The following CWC27 variants were observed in gnomAD, a reference collection of about 807,000 sequenced individuals.
CWC27 encodes the protein CWC27 spliceosome associated cyclophilin.
A neutral mutation model predicts 63.6 loss-of-function variants in CWC27; 47 were observed. That is an observed-to-expected ratio of 0.74 (90% CI 0.58 to 0.94). CWC27 has a LOEUF of 0.94. Ranked by LOEUF, CWC27 falls within the 40% of genes least tolerant of loss-of-function variation. CWC27 has a pLI of 0.00. For missense variants in CWC27, 495 were observed against 554.3 expected (o/e 0.89, Z 1.07); for synonymous variants, 175 against 179.8 (o/e 0.97, Z 0.22).
intron 7 of CWC27, among the ~76,000 whole-genome samples, chr5:64,793,133 C>G (rs754526934): frequency 1.6e-4 from 24 of 152,130 alleles, no homozygotes; most frequent in Admixed American, 1.5e-3. Context: ...TCAGCTCAGC[C>G]TTTTTGGGTA....
intron 13 of CWC27, among the ~76,000 whole-genome samples, chr5:64,978,625 G>A (rs1156367453): frequency 2.0e-5 from 3 of 147,288 alleles, no homozygotes; most frequent in African/African-American, 7.5e-5. Flanking sequence ...TTTTTTTGGC[G>A]GTGGGGGGGA....
chr5:65,015,155 T>C (rs1750029107), intron 13 of CWC27, among the ~76,000 whole-genome samples: 1 of 152,200 alleles, frequency 6.6e-6, no homozygotes, highest in African/African-American at 2.4e-5. Context: ...TCATTTTTTA[T>C]ACCAGAGCCG....
chr5:64,969,178 T>A (rs1749074402), intron 11 of CWC27, among the ~76,000 whole-genome samples: 1 of 152,250 alleles, frequency 6.6e-6, no homozygotes, highest in African/African-American at 2.4e-5. Context: ...TTTTGAAAGT[T>A]GTAAGCTTAA....
At chr5:64,869,862 T>C (rs1186252797) in intron 10 of CWC27, among the ~76,000 whole-genome samples, 1 of 152,042 alleles carries the variant, frequency 6.6e-6, no homozygotes, top group Admixed American at 6.6e-5. Flanking sequence ...GGATTTTTTT[T>C]TCCCCTTAAA....
intron 10 of CWC27, among the ~76,000 whole-genome samples, chr5:64,829,581 C>T (rs1317025219): frequency 6.6e-6 from 1 of 150,396 alleles, no homozygotes; most frequent in Non-Finnish European, 1.5e-5. Flanking sequence ...TATATGCTGA[C>T]AATAACTTCA....
chr5:64,815,271 A>G (rs1744994545), intron 10 of CWC27, among the ~76,000 whole-genome samples: 1 of 152,130 alleles, frequency 6.6e-6, no homozygotes, highest in South Asian at 2.1e-4. Flanking sequence ...CTCTGGCTAC[A>G]TCCTGATGGG....
chr5:64,787,484 A>C (rs549367212), intron 6 of CWC27, among the ~76,000 whole-genome samples: 90 of 152,136 alleles, frequency 5.9e-4, no homozygotes, highest in African/African-American at 1.9e-3. Flanking sequence ...GAATATTTTT[A>C]ATGACTGCAT....
intron 7 of CWC27, among the ~76,000 whole-genome samples, chr5:64,790,117 A>G (rs1338762946): frequency 6.6e-6 from 1 of 152,034 alleles, no homozygotes; most frequent in African/African-American, 2.4e-5. Flanking sequence ...GTTGCTTTTT[A>G]TTGTATCCTT....
At chr5:64,971,935 A>G (rs1038826407) in intron 12 of CWC27, 123 bp downstream of exon 12, 21 of 522,056 alleles carry the variant, frequency 4.0e-5, no homozygotes, top group Admixed American at 1.5e-4. Context: ...AATAAAAAAG[A>G]ATATATTTAT....
chr5:64,789,823 G>A (rs1744012611), intron 7 of CWC27, among the ~76,000 whole-genome samples: 1 of 152,104 alleles, frequency 6.6e-6, no homozygotes, highest in Non-Finnish European at 1.5e-5. Context: ...GAGAACTAAA[G>A]GATTAGGTTT....
chr5:64,805,305 T>C (rs1441083641), intron 10 of CWC27, among the ~76,000 whole-genome samples: 3 of 151,472 alleles, frequency 2.0e-5, no homozygotes, highest in African/African-American at 7.3e-5. Context: ...ATGTCTTTTT[T>C]CCAGCAATAT....
At chr5:64,883,257 G>A (rs774231346) in intron 10 of CWC27, among the ~76,000 whole-genome samples, 4 of 152,088 alleles carry the variant, frequency 2.6e-5, no homozygotes, top group Admixed American at 6.5e-5. Flanking sequence ...GGGATTATGG[G>A]AACTACAATT....
chr5:64,793,915 A>G (rs1268868871), intron 7 of CWC27, among the ~76,000 whole-genome samples: 1 of 152,128 alleles, frequency 6.6e-6, no homozygotes, highest in Non-Finnish European at 1.5e-5. Context: ...ATGGATTATC[A>G]GTGTGGGATT....
At chr5:64,860,631 T>C (rs1746375274) in intron 10 of CWC27, among the ~76,000 whole-genome samples, 1 of 152,242 alleles carries the variant, frequency 6.6e-6, no homozygotes, top group African/African-American at 2.4e-5. Flanking sequence ...TGATATAACA[T>C]CAGTCTTTCT....
intron 10 of CWC27, among the ~76,000 whole-genome samples, chr5:64,834,319 A>G (rs1043989946): frequency 3.3e-5 from 5 of 151,618 alleles, no homozygotes; most frequent in African/African-American, 1.2e-4. Flanking sequence ...TCTGATATTA[A>G]GTCTCCTCAT....
chr5:64,943,463 C>T (rs1350263396), intron 11 of CWC27, among the ~76,000 whole-genome samples: 3 of 152,124 alleles, frequency 2.0e-5, no homozygotes, highest in Non-Finnish European at 4.4e-5. Context: ...CCTTATCTTG[C>T]CATTTACAAC....
At chr5:64,945,513 T>C (rs1437001285) in intron 11 of CWC27, among the ~76,000 whole-genome samples, 1 of 152,176 alleles carries the variant, frequency 6.6e-6, no homozygotes, top group Non-Finnish European at 1.5e-5. Context: ...GAAGAATTAT[T>C]ACTTGGGCAG....
At chr5:64,854,911 AC>A (rs1288646904) in intron 10 of CWC27, among the ~76,000 whole-genome samples, 4 of 152,064 alleles carry the variant, frequency 2.6e-5, no homozygotes, top group African/African-American at 9.7e-5. Flanking sequence ...TATTTAGTAT[AC>A]CCTGGAATTA....
At chr5:65,013,272 T>C (rs1749993793) in intron 13 of CWC27, among the ~76,000 whole-genome samples, 1 of 152,196 alleles carries the variant, frequency 6.6e-6, no homozygotes, top group African/African-American at 2.4e-5. Flanking sequence ...TTCTGCAGAA[T>C]CTGGTAGATG....
Sources: gnomAD v4.1 joint callset for allele counts (sites outside exome capture counted in the v4.1 genomes callset) on GRCh38, gnomAD v4.1.1 for gene constraint, MANE v1.5 for transcripts, NCBI Gene and HGNC (gene_info 2026-07-23, HGNC 2026-07-21) for gene names.